MEIS3: variants seen among roughly 807,000 people sequenced by gnomAD.
The protein encoded by MEIS3 is homeobox protein Meis3.
Under a neutral mutation model 51.4 loss-of-function variants are expected in MEIS3, and 38 were observed. The ratio of observed to expected loss-of-function variants is 0.74; its 90% CI spans 0.57 to 0.97. The LOEUF is 0.97. Among genes scored for constraint, MEIS3 ranks in the 50% least tolerant of loss-of-function variants. The probability of loss-of-function intolerance (pLI) is 0.00; values close to 1 mark genes in which losing one functional copy is unlikely to be tolerated. For synonymous variants in MEIS3, 198 were observed against 201.8 expected (o/e 0.98, Z 0.16); for missense variants, 456 against 502.6 (o/e 0.91, Z 0.89).
chr19:47,417,796 C>T (rs1299188756), intron 1 of MEIS3: 1 of 631,458 alleles, frequency 1.6e-6, no homozygotes, highest in Non-Finnish European at 2.9e-6. Flanking sequence ...CAGATAAGCG[C>T]ATCAGAGTAA....
chr19:47,407,305 C>T (rs1158626199), intron 9 of MEIS3, 47 bp downstream of exon 9: 3 of 1,591,594 alleles, frequency 1.9e-6, no homozygotes, highest in South Asian at 1.1e-5. Flanking sequence ...GGACAGCGCC[C>T]GGGCTCTCGC....
rs1970675550 is a variant in MEIS3 at position 47,403,394 on chromosome 19, G to A, written c.*177C>T. The A allele has an allele frequency of 2.2e-6, 1 of 454,616 alleles. No individual in the cohort carries two copies. The highest frequency in any genetic ancestry group is 4.4e-6 in the Non-Finnish European group (1 of 226,838). 28.2% of individuals were successfully genotyped at this position (454,616 alleles called of 1,614,324 possible). The stretch of plus-strand genomic sequence containing the variant: ...GCCTGGAGGCCTTGCCGGTGTCCTT[G>A]AGAGCCCTTGGATGGGCACTCAGGC... On this transcript the variant is annotated 3_prime_UTR_variant, in exon 13 of 13. Transcript: ENST00000558555.
chr19:47,407,329 G>A (rs1279032895), intron 9 of MEIS3, 23 bp downstream of exon 9: 3 of 1,605,006 alleles, frequency 1.9e-6, no homozygotes, highest in East Asian at 4.5e-5. Flanking sequence ...GGGCCGGCCC[G>A]CGGGCCCTCC....
intron 6 of MEIS3, among the ~76,000 whole-genome samples, chr19:47,412,982 G>A (rs946539182): frequency 1.3e-5 from 2 of 151,870 alleles, no homozygotes; most frequent in Non-Finnish European, 2.9e-5. Flanking sequence ...GGGATTACAG[G>A]CATGAGCCAC....
At position 47,419,169 on chromosome 19, in the gene MEIS3, G is replaced by A. The variant is rs62130535; in HGVS notation, c.-88C>T. ...CCGGGGCCGCAGCCCCTGACGGCCC[G>A]CGGTGTTGACGCCAGGGGGTGGGCA... On this transcript the variant is annotated 5_prime_UTR_variant, in exon 1 of 13. Transcript: ENST00000558555. 706,361 of 1,020,732 alleles carry A rather than the reference G, an allele frequency of 0.69. 248,966 individuals are homozygous for A. Among genetic ancestry groups the A allele is most frequent in the Non-Finnish European group, 0.72 (572,181 of 797,030 alleles). 63.2% of individuals were successfully genotyped at this position (1,020,732 alleles called of 1,614,324 possible). A position where few individuals can be genotyped will look rare whatever the true frequency, so the allele number is the denominator to read the frequency against.
intron 6 of MEIS3, among the ~76,000 whole-genome samples, chr19:47,411,531 C>T (rs1306632858): frequency 7.0e-6 from 1 of 142,406 alleles, no homozygotes; most frequent in African/African-American, 2.6e-5. Flanking sequence ...GCTGTATTAT[C>T]TTTTTCTTTT....
upstream of MEIS3, among the ~76,000 whole-genome samples, chr19:47,419,775 G>GTC (rs781058837): frequency 6.6e-6 from 1 of 151,660 alleles, no homozygotes; most frequent in Non-Finnish European, 1.5e-5. Flanking sequence ...CTCTTTCCCA[G>GTC]TCTCTCTCTC....
intron 6 of MEIS3, among the ~76,000 whole-genome samples, chr19:47,413,877 G>A (rs375238228): frequency 2.6e-5 from 4 of 151,550 alleles, no homozygotes; most frequent in Non-Finnish European, 4.4e-5. Flanking sequence ...ACAGGCACCC[G>A]CCACCACACC....
intron 7 of MEIS3, 79 bp downstream of exon 7, chr19:47,409,356 CT>C: frequency 1.9e-6 from 3 of 1,575,040 alleles, no homozygotes; most frequent in Non-Finnish European, 2.6e-6. Context: ...ATCTCTGCCC[CT>C]CTACAAGTCT....
rs1303025755 is a variant in MEIS3 at position 47,414,771 on chromosome 19, G to A, written c.543C>T (p.Gly181=). Residue 181 remains glycine (G), a synonymous_variant, in exon 6 of 13, where the codon GGC becomes GGT. Coordinates refer to ENST00000558555, the MANE Select transcript of MEIS3 (RefSeq NM_001301059.2). ...GGTAGTCCTCGAAGTCCTCCCTGCA[G>A]CCGCCGTCCCGATCCTCGATGACCA... is the stretch of plus-strand genomic sequence containing the variant. ...IDLVIEDRDG[G]CREDFEDYPA... is the part of the protein sequence containing the mutation. The A allele has an allele frequency of 6.2e-7, 1 of 1,613,178 alleles. No individual in the cohort carries two copies. The highest frequency in any genetic ancestry group is 1.3e-5 in the African/African-American group (1 of 74,900).
In MEIS3 at chr19:47,405,250, C is replaced by T. The variant is rs114422332; in HGVS notation, c.*17+1210G>A. Among the ~76,000 whole-genome samples, 1,199 of 152,248 alleles carry T rather than the reference C, an allele frequency of 7.9e-3. 16 individuals are homozygous for T. The highest frequency in any genetic ancestry group is 0.027 in the African/African-American group (1,120 of 41,530). ...TAAATGAGAAGATGCTCTAAAGTGC[C>T]GCCATCATACCAGGCCACAGAAGAC... On this transcript the variant is annotated intron_variant, in intron 12 of 12. Coordinates refer to ENST00000558555, the MANE Select transcript of MEIS3 (RefSeq NM_001301059.2).
intron 1 of MEIS3, chr19:47,418,020 G>A: frequency 5.2e-6 from 2 of 387,330 alleles, no homozygotes. Flanking sequence ...ATGAATGAAT[G>A]AGGCATTTAG....
rs771923390 is a variant in MEIS3, at chr19:47,417,275, C to T, written c.88G>A (p.Ala30Thr). The change falls in exon 2 of 13, where the codon GCA (alanine) becomes ACA (threonine). Residue 30 changes from alanine (A) to threonine (T), a missense_variant. Physicochemically the swap from Ala to Thr is moderately conservative, Grantham distance 58 (BLOSUM62 0). Transcript: ENST00000558555. ...ALASFPETVP[A>T]VPGPYGPHRP... Reference sequence around the variant, plus strand: ...TGCGGGCCATAGGGCCCTGGTACTGCGGGCACTGTCTCTGGGAAGCTAGCC... The same window carrying T: ...TGCGGGCCATAGGGCCCTGGTACTGTGGGCACTGTCTCTGGGAAGCTAGCC... The T allele has an allele frequency of 8.1e-6, 13 of 1,612,978 alleles. No individual in the cohort carries two copies. Among genetic ancestry groups the T allele is most frequent in the South Asian group, 3.3e-5 (3 of 90,924 alleles).
In MEIS3 at chr19:47,419,487, T is replaced by C; in HGVS notation, c.-406A>G. ...GGGCGACGGAGGGTCCGGCGGCGGC[T>C]CAGGGGTGCTGGCAGCCGCGCTCCC... On this transcript the variant is annotated 5_prime_UTR_variant, in exon 1 of 13. Coordinates refer to ENST00000558555, the MANE Select transcript of MEIS3 (RefSeq NM_001301059.2). 1.0e-3 allele frequency: 1 copy of C among 1,002 alleles called. No homozygotes were observed. The highest frequency in any genetic ancestry group is 1.8e-3 in the Non-Finnish European group (1 of 554). The allele number at this position is 1,002 out of a possible 1,614,324, so 0.1% of individuals were successfully genotyped here.
chr19:47,421,253 G>A (rs1024080517), upstream of MEIS3, among the ~76,000 whole-genome samples: 3 of 152,096 alleles, frequency 2.0e-5, no homozygotes, highest in South Asian at 2.1e-4. Context: ...TTTTACAGAC[G>A]GGAAGCGTGG....
Position 47,407,401 on chromosome 19 carries a change from T to C in MEIS3, c.886A>G (p.Lys296Glu). 1 of 1,613,758 alleles carries C rather than the reference T, an allele frequency of 6.2e-7. No individual in the cohort carries two copies. Among genetic ancestry groups the C allele is most frequent in the African/African-American group, 1.3e-5 (1 of 74,996 alleles). ...AGCCCCGTGTCCTGCGCCAGCTGTT[T>C]CTTCTGCTCCTCCGAGGGGTACGGG... The part of the protein sequence containing the change: ...SHPYPSEEQK[K>E]QLAQDTGLTI... The change falls in exon 9 of 13, where the codon AAA becomes GAA. Residue 296 changes from lysine to glutamate, a missense_variant. Lys to Glu is a moderately conservative substitution (Grantham distance 56). Transcript: ENST00000558555.
intron 6 of MEIS3, among the ~76,000 whole-genome samples, chr19:47,412,848 G>A (rs1023685600): frequency 3.5e-4 from 53 of 151,890 alleles, no homozygotes; most frequent in African/African-American, 1.2e-3. Flanking sequence ...GATTACAGTC[G>A]TGAGCCACTG....
At chr19:47,409,876 AAGTT>A (rs1345366767) in intron 6 of MEIS3, among the ~76,000 whole-genome samples, 2 of 151,236 alleles carry the variant, frequency 1.3e-5, no homozygotes, top group Admixed American at 6.6e-5. Flanking sequence ...AAAAAAAAAA[AAGTT>A]AGTGCCAAGG....
At chr19:47,415,198 C>G in intron 4 of MEIS3, 97 bp from the exon 5 acceptor site, 1 of 769,084 alleles carries the variant, frequency 1.3e-6, no homozygotes, top group Non-Finnish European at 2.3e-6. Context: ...AGAGGAGACA[C>G]AGAGAAACAG....
Sources: gnomAD v4.1 joint callset for allele counts (sites outside exome capture counted in the v4.1 genomes callset) on GRCh38, gnomAD v4.1.1 for gene constraint, MANE v1.5 for transcripts, NCBI Gene and HGNC (gene_info 2026-07-23, HGNC 2026-07-21) for gene names.